Variants in CACNB4 observed in about 807,000 individuals in gnomAD.
CACNB4 encodes the protein calcium voltage-gated channel auxiliary subunit beta 4.
CACNB4 carries 32 observed loss-of-function variants against 71.2 expected under a neutral mutation model. That is an observed-to-expected ratio of 0.45 (90% CI 0.34 to 0.60). The LOEUF is 0.60. Ranked by LOEUF, CACNB4 falls within the 20% of genes least tolerant of loss-of-function variation. The pLI is 0.01. For synonymous variants in CACNB4, 231 were observed against 236.9 expected (o/e 0.97, Z 0.23); for missense variants, 464 against 647.9 (o/e 0.72, Z 3.08).
At chr2:152,070,089 C>T (rs1238766960) in intron 2 of CACNB4, among the ~76,000 whole-genome samples, 1 of 151,956 alleles carries the variant, frequency 6.6e-6, no homozygotes, top group Non-Finnish European at 1.5e-5. Flanking sequence ...GTGATCCGCC[C>T]GTCTTGGCCT....
intron 2 of CACNB4, among the ~76,000 whole-genome samples, chr2:151,907,576 C>T (rs1284998350): frequency 1.3e-5 from 2 of 152,174 alleles, no homozygotes; most frequent in Non-Finnish European, 2.9e-5. Context: ...TATCAGATTT[C>T]ACTGGTTTTC....
In CACNB4 at chr2:151,841,744, G is replaced by A. The variant is rs114828569; in HGVS notation, c.1302+159C>T. ...TCAGTCTCTGGGTAGTTTTCTCTAG[G>A]ATAGATCATAATTAGATAATATTTA... On this transcript the variant is annotated intron_variant, in intron 13 of 13. Coordinates refer to ENST00000539935, the MANE Select transcript of CACNB4 (RefSeq NM_000726.5). 3.6e-3 allele frequency: 2,231 copies of A among 615,236 alleles called. 39 individuals carry two copies. The African/African-American group carries it at 0.037, about 10-fold the overall frequency. 38.1% of individuals were successfully genotyped at this position (615,236 alleles called of 1,614,324 possible).
chr2:151,887,825 A>G (rs532805430), intron 2 of CACNB4, among the ~76,000 whole-genome samples: 2 of 152,318 alleles, frequency 1.3e-5, no homozygotes, highest in East Asian at 1.9e-4. Flanking sequence ...TTCTTTTTCA[A>G]CATCATGGGG....
intron 2 of CACNB4, among the ~76,000 whole-genome samples, chr2:151,990,240 C>T (rs2151761768): frequency 6.6e-6 from 1 of 152,328 alleles, no homozygotes; most frequent in East Asian, 1.9e-4. Context: ...CACACATGCT[C>T]CAGCCATATC....
intron 2 of CACNB4, among the ~76,000 whole-genome samples, chr2:152,034,356 G>A (rs1021275647): frequency 2.8e-4 from 43 of 152,192 alleles, no homozygotes; most frequent in African/African-American, 1.0e-3. Context: ...TGAACTAAAA[G>A]CTCTTGAAGT....
intron 2 of CACNB4, among the ~76,000 whole-genome samples, chr2:152,058,167 C>G (rs1255058579): frequency 1.3e-5 from 2 of 152,196 alleles, no homozygotes; most frequent in Non-Finnish European, 2.9e-5. Flanking sequence ...CTCAGCCATG[C>G]AGAACTGTGA....
chr2:151,869,560 G>A (rs748508642), intron 8 of CACNB4: 6 of 216,594 alleles, frequency 2.8e-5, no homozygotes, highest in Non-Finnish European at 5.5e-5. Context: ...CACAGGTGCC[G>A]GGTATCCTTG....
intron 5 of CACNB4, chr2:151,873,513 A>G (rs943272249): frequency 3.3e-5 from 5 of 152,196 alleles, no homozygotes; most frequent in African/African-American, 1.2e-4. Flanking sequence ...AGGTAAATAT[A>G]TAATATTTCT....
intron 2 of CACNB4, among the ~76,000 whole-genome samples, chr2:151,939,948 G>A (rs2099863829): frequency 1.3e-5 from 2 of 152,110 alleles, no homozygotes; most frequent in Non-Finnish European, 2.9e-5. Flanking sequence ...GAGCCTGGCT[G>A]AGAAGTATAT....
intron 2 of CACNB4, among the ~76,000 whole-genome samples, chr2:152,071,710 G>A (rs2105373778): frequency 6.6e-6 from 1 of 152,284 alleles, no homozygotes; most frequent in Admixed American, 6.5e-5. Flanking sequence ...TTAGAATTAT[G>A]CAATGTAAGC....
intron 2 of CACNB4, among the ~76,000 whole-genome samples, chr2:151,945,380 G>A (rs940172999): frequency 1.3e-5 from 2 of 152,152 alleles, no homozygotes. Flanking sequence ...TCTTAACAAT[G>A]GGGATAGGCC....
chr2:152,026,937 C>T (rs913710043), intron 2 of CACNB4, among the ~76,000 whole-genome samples: 1 of 148,050 alleles, frequency 6.8e-6, no homozygotes, highest in Admixed American at 6.7e-5. Flanking sequence ...TACGGAGTTT[C>T]ACTCTGTCAC....
chr2:151,971,836 G>T, intron 2 of CACNB4: 1 of 518,584 alleles, frequency 1.9e-6, no homozygotes, highest in Non-Finnish European at 3.5e-6. Flanking sequence ...TCTCAACTGA[G>T]GATTGGCCAG....
At chr2:151,916,195 G>A (rs943899675) in intron 2 of CACNB4, among the ~76,000 whole-genome samples, 1 of 152,108 alleles carries the variant, frequency 6.6e-6, no homozygotes, top group Non-Finnish European at 1.5e-5. Context: ...CAGCCATCTT[G>A]GCCCCACCCC....
chr2:152,030,963 C>T (rs368406986), intron 2 of CACNB4, among the ~76,000 whole-genome samples: 9 of 152,292 alleles, frequency 5.9e-5, no homozygotes, highest in South Asian at 4.1e-4. Flanking sequence ...ACTGCACAGC[C>T]TCAGCCCTGG....
intron 2 of CACNB4, among the ~76,000 whole-genome samples, chr2:151,960,341 G>A (rs6433726): frequency 0.73 from 111,664 of 152,030 alleles, 44,376 homozygotes; most frequent in Middle Eastern, 0.92. Flanking sequence ...TCTTGTGGCC[G>A]CTGGCACAGT....
intron 2 of CACNB4, among the ~76,000 whole-genome samples, chr2:152,066,138 T>C (rs1407245118): frequency 6.6e-6 from 1 of 152,130 alleles, no homozygotes; most frequent in Non-Finnish European, 1.5e-5. Flanking sequence ...CGTGGCCACG[T>C]ACATGCAGGC....
At chr2:151,913,693 G>A (rs904814869) in intron 2 of CACNB4, among the ~76,000 whole-genome samples, 2 of 151,292 alleles carry the variant, frequency 1.3e-5, no homozygotes, top group African/African-American at 4.9e-5. Context: ...ATGAACCCAG[G>A]AGGCGGAGCT....
At chr2:152,088,477 T>C (rs771154501) in intron 2 of CACNB4, among the ~76,000 whole-genome samples, 8 of 152,202 alleles carry the variant, frequency 5.3e-5, no homozygotes, top group Non-Finnish European at 1.2e-4. Context: ...GTTAACCACC[T>C]CTAGTGATCC....
Sources: gnomAD v4.1 joint callset for allele counts (sites outside exome capture counted in the v4.1 genomes callset) on GRCh38, gnomAD v4.1.1 for gene constraint, MANE v1.5 for transcripts, NCBI Gene and HGNC (gene_info 2026-07-23, HGNC 2026-07-21) for gene names.